Variants in PTPRD observed in about 807,000 individuals in gnomAD.
The protein encoded by PTPRD is protein tyrosine phosphatase receptor type D.
Under a neutral mutation model 214.5 loss-of-function variants are expected in PTPRD, and 34 were observed. The observed-to-expected ratio is 0.16, with a 90% CI of 0.12 to 0.21. The LOEUF is 0.21. Among genes scored for constraint, PTPRD ranks in the 10% least tolerant of loss-of-function variants. The pLI is 1.00. For missense variants in PTPRD, 2,545 were observed against 2,398.7 expected (o/e 1.06, Z -1.27); for synonymous variants, 1,128 against 845.7 (o/e 1.33, Z -5.79).
At chr9:8,885,685 T>C (rs1056037240) in intron 11 of PTPRD, among the ~76,000 whole-genome samples, 1 of 151,678 alleles carries the variant, frequency 6.6e-6, no homozygotes, top group Non-Finnish European at 1.5e-5. Context: ...TTAGTAGAGA[T>C]GGGGTTTCAC....
chr9:9,264,279 C>G (rs1937938310), intron 9 of PTPRD, among the ~76,000 whole-genome samples: 1 of 151,504 alleles, frequency 6.6e-6, no homozygotes, highest in South Asian at 2.1e-4. Flanking sequence ...TGAGTTATAA[C>G]AGAACACAGA....
chr9:10,160,371 A>G (rs926886857), intron 3 of PTPRD, among the ~76,000 whole-genome samples: 2 of 152,054 alleles, frequency 1.3e-5, no homozygotes, highest in African/African-American at 2.4e-5. Flanking sequence ...GTTTCATAAA[A>G]GAAAAGCCCA....
At chr9:9,370,618 G>A (rs1017663942) in intron 9 of PTPRD, among the ~76,000 whole-genome samples, 1 of 151,002 alleles carries the variant, frequency 6.6e-6, no homozygotes, top group Non-Finnish European at 1.5e-5. Context: ...TCTCCTGCCT[G>A]ATTGCCCTGG....
In PTPRD at chr9:8,315,664, G is replaced by GT. The variant is rs1821274605; in HGVS notation, c.*2209dup. 1 of 225,064 alleles carries GT rather than the reference G, an allele frequency of 4.4e-6. No homozygotes were observed. The highest frequency in any genetic ancestry group is 2.3e-5 in the African/African-American group (1 of 44,158). 13.9% of individuals were successfully genotyped at this position (225,064 alleles called of 1,614,324 possible). ...TATTTTCTTTTTTTTCTTTTTCTTT[G>GT]TTTTTTACAAAAGTGCTCAAATACA... On this transcript the variant is annotated 3_prime_UTR_variant, in exon 46 of 46. Coordinates refer to ENST00000381196, the MANE Select transcript of PTPRD (RefSeq NM_002839.4).
intron 37 of PTPRD, among the ~76,000 whole-genome samples, chr9:8,385,286 G>C (rs945293716): frequency 2.6e-5 from 4 of 152,138 alleles, no homozygotes; most frequent in Admixed American, 1.3e-4. Context: ...AAACACTTTG[G>C]GGGGCCAAGG....
At chr9:10,481,669 C>G (rs139022478) in intron 2 of PTPRD, among the ~76,000 whole-genome samples, 267 of 152,280 alleles carry the variant, frequency 1.8e-3, no homozygotes, top group African/African-American at 6.1e-3. Context: ...TGTAAATACT[C>G]AGCCCATAAT....
At chr9:10,280,979 G>A (rs1596055195) in intron 3 of PTPRD, among the ~76,000 whole-genome samples, 1 of 152,116 alleles carries the variant, frequency 6.6e-6, no homozygotes, top group Admixed American at 6.5e-5. Context: ...TCACATTTGA[G>A]AACCACTGGT....
intron 3 of PTPRD, among the ~76,000 whole-genome samples, chr9:10,065,141 T>TGAAAGAAAGAAAGAA (rs557039022): frequency 2.8e-5 from 3 of 106,732 alleles, no homozygotes; most frequent in Non-Finnish European, 5.8e-5. Flanking sequence ...TGACTTGGAT[T>TGAAAGAAAGAAAGAA]AGAAAGAAAG....
At chr9:10,097,368 G>C (rs1341567353) in intron 3 of PTPRD, among the ~76,000 whole-genome samples, 3 of 137,376 alleles carry the variant, frequency 2.2e-5, no homozygotes, top group African/African-American at 8.6e-5. Context: ...TCCTACCCAT[G>C]AGCATGGAAT....
At chr9:8,718,794 C>T (rs1032412399) in intron 12 of PTPRD, among the ~76,000 whole-genome samples, 5 of 152,158 alleles carry the variant, frequency 3.3e-5, no homozygotes, top group African/African-American at 1.2e-4. Flanking sequence ...GCCAGGGATT[C>T]CAATTCTGAA....
chr9:10,267,816 T>C, intron 3 of PTPRD, among the ~76,000 whole-genome samples: 1 of 152,266 alleles, frequency 6.6e-6, no homozygotes, highest in Non-Finnish European at 1.5e-5. Flanking sequence ...TAATAAACTA[T>C]CTGGCCATTA....
At chr9:9,624,830 G>GAA (rs58910288) in intron 7 of PTPRD, among the ~76,000 whole-genome samples, 19,534 of 146,374 alleles carry the variant, frequency 0.13, 1,577 homozygotes, top group African/African-American at 0.22. Flanking sequence ...TAGATGCATT[G>GAA]AAAAAAAAAA....
At chr9:8,822,162 T>C (rs2097082197) in intron 11 of PTPRD, among the ~76,000 whole-genome samples, 1 of 152,200 alleles carries the variant, frequency 6.6e-6, no homozygotes, top group Non-Finnish European at 1.5e-5. Context: ...CACAAGGGGC[T>C]ACACCCTTCT....
At chr9:8,805,318 T>A (rs957318331) in intron 11 of PTPRD, among the ~76,000 whole-genome samples, 3 of 152,164 alleles carry the variant, frequency 2.0e-5, no homozygotes, top group African/African-American at 7.2e-5. Context: ...TTTTCCCCAT[T>A]TGAAGGTTCT....
chr9:9,191,129 C>G (rs1412489020), intron 9 of PTPRD, among the ~76,000 whole-genome samples: 1 of 152,124 alleles, frequency 6.6e-6, no homozygotes, highest in African/African-American at 2.4e-5. Context: ...ACTGGGGCTT[C>G]TTTCTTGCTT....
At chr9:10,232,221 T>G (rs866608370) in intron 3 of PTPRD, among the ~76,000 whole-genome samples, 37 of 152,004 alleles carry the variant, frequency 2.4e-4, no homozygotes, top group Middle Eastern at 3.4e-3. Context: ...TACACCTTTT[T>G]TCCTTTATAA....
chr9:8,821,330 A>G (rs1410039207), intron 11 of PTPRD, among the ~76,000 whole-genome samples: 1 of 152,044 alleles, frequency 6.6e-6, no homozygotes, highest in Non-Finnish European at 1.5e-5. Context: ...TGGCTTCTTC[A>G]GAAGGCACTC....
At chr9:9,409,810 T>C (rs2074778650) in intron 8 of PTPRD, among the ~76,000 whole-genome samples, 1 of 152,156 alleles carries the variant, frequency 6.6e-6, no homozygotes, top group Admixed American at 6.5e-5. Flanking sequence ...TTAATCCATA[T>C]ATAAACTCAT....
chr9:10,175,832 G>C (rs1211737170), intron 3 of PTPRD, among the ~76,000 whole-genome samples: 1 of 151,878 alleles, frequency 6.6e-6, no homozygotes, highest in African/African-American at 2.4e-5. Context: ...ACACAACTTT[G>C]TCTGGAATTA....
Sources: gnomAD v4.1 joint callset for allele counts (sites outside exome capture counted in the v4.1 genomes callset) on GRCh38, gnomAD v4.1.1 for gene constraint, MANE v1.5 for transcripts, NCBI Gene and HGNC (gene_info 2026-07-23, HGNC 2026-07-21) for gene names.